Variants in PRCP observed in about 807,000 individuals in gnomAD.
The protein encoded by PRCP is lysosomal Pro-X carboxypeptidase.
Under a neutral mutation model 54.2 loss-of-function variants are expected in PRCP, and 46 were observed. The ratio of observed to expected loss-of-function variants is 0.85; its 90% CI spans 0.67 to 1.09. The LOEUF is 1.09. Among genes scored for constraint, PRCP ranks in the 50% least tolerant of loss-of-function variants. The pLI is 0.00. For missense variants in PRCP, 613 were observed against 596.8 expected (o/e 1.03, Z -0.28); for synonymous variants, 240 against 212.2 (o/e 1.13, Z -1.14).
intron 1 of PRCP, among the ~76,000 whole-genome samples, chr11:82,872,170 T>C (rs1335439874): frequency 2.0e-5 from 3 of 152,214 alleles, no homozygotes; most frequent in Non-Finnish European, 2.9e-5. Flanking sequence ...AAACATACTA[T>C]ATATAGGGTT....
chr11:82,830,367 C>T (rs1858348555), intron 8 of PRCP: 1 of 151,978 alleles, frequency 6.6e-6, no homozygotes, highest in Non-Finnish European at 1.5e-5. Flanking sequence ...GTGGCTCACA[C>T]CTATAATCCC....
At chr11:82,830,401 A>G (rs1394830815) in intron 8 of PRCP, 1 of 151,938 alleles carries the variant, frequency 6.6e-6, no homozygotes, top group Non-Finnish European at 1.5e-5. Context: ...GCCGAGGTGG[A>G]TGGGTCACTT....
chr11:82,864,858 T>C (rs1389097691), intron 1 of PRCP, among the ~76,000 whole-genome samples: 4 of 152,224 alleles, frequency 2.6e-5, no homozygotes, highest in Non-Finnish European at 2.9e-5. Context: ...ATGATGTTTA[T>C]TGTATAAAAG....
chr11:82,885,229 A>T (rs1046444384), intron 1 of PRCP, among the ~76,000 whole-genome samples: 22 of 152,246 alleles, frequency 1.4e-4, no homozygotes, highest in African/African-American at 5.3e-4. Flanking sequence ...CAATGCTGTG[A>T]CATGTGTAAT....
In PRCP at chr11:82,823,376, A is replaced by T. The variant is rs893042167; in HGVS notation, c.*1530T>A. The T allele has an allele frequency of 3.9e-5, 6 of 152,200 alleles. No homozygotes were observed. The highest frequency in any genetic ancestry group is 8.8e-5 in the Non-Finnish European group (6 of 68,030). The allele number at this position is 152,200 out of a possible 1,614,324, so 9.4% of individuals were successfully genotyped here. ...TCCCACCCAAATCGATTGTTCTGTG[A>T]TGCTGAAACAAAATAGTTACCAAAT... On this transcript the variant is annotated 3_prime_UTR_variant, in exon 9 of 9. Transcript: ENST00000313010.
intron 1 of PRCP, among the ~76,000 whole-genome samples, chr11:82,864,953 G>A (rs1859295712): frequency 6.6e-6 from 1 of 152,130 alleles, no homozygotes; most frequent in African/African-American, 2.4e-5. Flanking sequence ...TAGTTTTGAT[G>A]GCAACTTGGG....
intron 1 of PRCP, among the ~76,000 whole-genome samples, chr11:82,868,846 C>A (rs1591060994): frequency 6.6e-6 from 1 of 151,068 alleles, no homozygotes; most frequent in Admixed American, 6.6e-5. Context: ...GACCAGCCTG[C>A]CCAACATGGC....
intron 8 of PRCP, among the ~76,000 whole-genome samples, chr11:82,834,388 C>T (rs111741138): frequency 3.3e-5 from 5 of 152,166 alleles, no homozygotes; most frequent in Admixed American, 1.3e-4. Context: ...CCTAAGCAGA[C>T]GTATTTGCTT....
At chr11:82,878,352 A>G (rs1012243504) in intron 1 of PRCP, among the ~76,000 whole-genome samples, 1 of 152,186 alleles carries the variant, frequency 6.6e-6, no homozygotes, top group African/African-American at 2.4e-5. Context: ...AAATGTGAGG[A>G]CATGAAATTT....
rs185373465 is a variant in PRCP, at chr11:82,842,443, C to T, written c.922-3018G>A. Among the ~76,000 whole-genome samples, 77 of 152,252 alleles carry T rather than the reference C, an allele frequency of 5.1e-4. 1 individual carries two copies. Among genetic ancestry groups the T allele is most frequent in the Middle Eastern group, 6.8e-3 (2 of 292 alleles). ...TTGGAGTACTGGATCCAGCTTTGTA[C>T]ACAACTTACGAAGGGCACCGACCAA... On this transcript the variant is annotated intron_variant, in intron 6 of 8. Transcript: ENST00000313010.
chr11:82,891,833 CT>C (rs1860014632), intron 1 of PRCP, among the ~76,000 whole-genome samples: 1 of 152,264 alleles, frequency 6.6e-6, no homozygotes, highest in African/African-American at 2.4e-5. Context: ...TTCCATTTTG[CT>C]TTTTTCATTT....
intron 6 of PRCP, among the ~76,000 whole-genome samples, chr11:82,843,625 T>G (rs1858728674): frequency 6.6e-6 from 1 of 152,024 alleles, no homozygotes; most frequent in South Asian, 2.1e-4. Context: ...CTGAACTTAC[T>G]TTCTATTTAT....
At chr11:82,894,956 T>C (rs1314568698) in intron 1 of PRCP, among the ~76,000 whole-genome samples, 2 of 152,186 alleles carry the variant, frequency 1.3e-5, no homozygotes, top group African/African-American at 4.8e-5. Flanking sequence ...CAGAATCTTG[T>C]GTGAAAAGAA....
At chr11:82,834,098 T>A (rs1858458722) in intron 8 of PRCP, among the ~76,000 whole-genome samples, 1 of 152,222 alleles carries the variant, frequency 6.6e-6, no homozygotes, top group African/African-American at 2.4e-5. Flanking sequence ...TCCAGCCATG[T>A]AAGGGTGCTG....
At chr11:82,828,119 T>C (rs953444155) in intron 8 of PRCP, 3 of 152,208 alleles carry the variant, frequency 2.0e-5, no homozygotes, top group Non-Finnish European at 4.4e-5. Context: ...GTAGGTTTAA[T>C]TACAATTCTT....
At chr11:82,888,490 G>T (rs1859920635) in intron 1 of PRCP, among the ~76,000 whole-genome samples, 1 of 152,162 alleles carries the variant, frequency 6.6e-6, no homozygotes, top group Non-Finnish European at 1.5e-5. Context: ...ATAAATACAG[G>T]TGGTACACAA....
At chr11:82,900,192 C>T (rs1860232202) in intron 1 of PRCP, 43 bp downstream of exon 1, 1 of 1,606,528 alleles carries the variant, frequency 6.2e-7, no homozygotes, top group Non-Finnish European at 8.5e-7. Flanking sequence ...TCAGGGTTCC[C>T]GGCGGTTGGG....
rs1591040606 is a variant in PRCP at position 82,839,260 on chromosome 11, C to T, written c.1086+1G>A. On this transcript the variant is annotated splice_donor_variant, in intron 7 of 8. Coordinates refer to ENST00000313010, the MANE Select transcript of PRCP (RefSeq NM_005040.4). LOFTEE classifies it high-confidence loss of function. ...CACTTGGGGAAATTATACATATTTA[C>T]CTGATAGCTCCAACCCAGTGTTCCC... The T allele has an allele frequency of 7.5e-6, 12 of 1,610,152 alleles. No individual in the cohort carries two copies. Among genetic ancestry groups the T allele is most frequent in the Non-Finnish European group, 1.0e-5 (12 of 1,179,026 alleles).
chr11:82,849,207 G>A lies in PRCP; in HGVS notation c.763C>T (p.Gln255Ter). 6.2e-7 allele frequency: 1 copy of A among 1,613,960 alleles called. No individual in the cohort carries two copies. Among genetic ancestry groups the A allele is most frequent in the Non-Finnish European group, 8.5e-7 (1 of 1,179,856 alleles). ...NRLSNTGSGL[Q>*]WLTGALHLCS... is the part of the protein sequence containing the mutation. The stretch of plus-strand genomic sequence containing the variant: ...AAGTGAAGGGCTCCAGTAAGCCACT[G>A]CAAACCACTGCCTGGGAATAGAATC... The change falls in exon 6 of 9, where the codon CAG becomes TAG. Residue 255 changes from glutamine to a stop codon, truncating the protein, a stop_gained. Transcript: ENST00000313010. LOFTEE classifies it high-confidence loss of function.
Sources: gnomAD v4.1 joint callset for allele counts (sites outside exome capture counted in the v4.1 genomes callset) on GRCh38, gnomAD v4.1.1 for gene constraint, MANE v1.5 for transcripts, NCBI Gene and HGNC (gene_info 2026-07-23, HGNC 2026-07-21) for gene names.